The following EPB41L3 variants were observed in gnomAD, a reference collection of about 807,000 sequenced individuals.
The protein encoded by EPB41L3 is band 4.1-like protein 3.
Under a neutral mutation model 127.1 loss-of-function variants are expected in EPB41L3, and 57 were observed. The observed-to-expected ratio is 0.45, with a 90% CI of 0.36 to 0.56. The LOEUF is 0.56. Ranked by LOEUF, EPB41L3 falls within the 20% of genes least tolerant of loss-of-function variation. The pLI, the probability that EPB41L3 is intolerant of heterozygous loss-of-function variation, is 0.00. For synonymous variants in EPB41L3, 572 were observed against 549.5 expected (o/e 1.04, Z -0.57); for missense variants, 1,273 against 1,372.2 (o/e 0.93, Z 1.14).
chr18:5,447,929 T>A (rs539068514), intron 3 of EPB41L3, among the ~76,000 whole-genome samples: 127 of 151,194 alleles, frequency 8.4e-4, no homozygotes, highest in African/African-American at 2.8e-3. Context: ...ACACTGAAGA[T>A]TTTTTTTTTC....
chr18:5,566,788 T>TTCC (rs1555804088), intron 3 of EPB41L3, among the ~76,000 whole-genome samples: 9,202 of 111,598 alleles, frequency 0.082, 467 homozygotes, highest in Admixed American at 0.13. Flanking sequence ...TATTCTATTC[T>TTCC]ATTCCATTCC....
intron 12 of EPB41L3, among the ~76,000 whole-genome samples, chr18:5,416,973 A>C (rs1347067282): frequency 6.6e-6 from 1 of 152,184 alleles, no homozygotes; most frequent in Admixed American, 6.5e-5. Context: ...ATAAGTAGTT[A>C]CAATCAGGGA....
intron 2 of EPB41L3, among the ~76,000 whole-genome samples, chr18:5,486,185 C>T (rs190779798): frequency 1.4e-3 from 207 of 152,140 alleles, no homozygotes; most frequent in Middle Eastern, 3.4e-3. Context: ...GATATAAATC[C>T]TCACATACAG....
chr18:5,492,563 T>C (rs930898185), intron 1 of EPB41L3, among the ~76,000 whole-genome samples: 28 of 152,316 alleles, frequency 1.8e-4, no homozygotes, highest in Middle Eastern at 6.8e-3. Context: ...TTTTCCAAGG[T>C]TCCCTTCTCT....
chr18:5,462,436 C>G (rs2043811010), intron 3 of EPB41L3, among the ~76,000 whole-genome samples: 1 of 152,216 alleles, frequency 6.6e-6, no homozygotes. Context: ...CCTTCCACTT[C>G]CTGTTTTCTA....
intron 1 of EPB41L3, among the ~76,000 whole-genome samples, chr18:5,503,002 T>C (rs1011049614): frequency 2.6e-5 from 4 of 152,212 alleles, no homozygotes; most frequent in Non-Finnish European, 4.4e-5. Flanking sequence ...ACTTAAGTGA[T>C]AAGTCAAAAT....
intron 3 of EPB41L3, among the ~76,000 whole-genome samples, chr18:5,465,270 A>C (rs2147258509): frequency 6.6e-6 from 1 of 152,380 alleles, no homozygotes; most frequent in South Asian, 2.1e-4. Flanking sequence ...AAAATTGTTC[A>C]GCACTTCCAG....
intron 12 of EPB41L3, among the ~76,000 whole-genome samples, chr18:5,418,877 T>C (rs1221469865): frequency 6.6e-6 from 1 of 152,174 alleles, no homozygotes; most frequent in Admixed American, 6.5e-5. Flanking sequence ...TTTACTCAAA[T>C]TTTAGGATAA....
At position 5,428,475 on chromosome 18, in the gene EPB41L3, A is replaced by G; in HGVS notation, c.913-10T>C. 1 of 1,614,134 alleles carries G rather than the reference A, an allele frequency of 6.2e-7. No homozygotes were observed. The highest frequency in any genetic ancestry group is 1.3e-5 in the African/African-American group (1 of 75,078). On this transcript the variant is annotated splice_polypyrimidine_tract_variant and intron_variant, in intron 8 of 22. Coordinates refer to ENST00000341928, the MANE Select transcript of EPB41L3 (RefSeq NM_012307.5). ...CTACCCCTTCTGAGTCCTGGAAAAT[A>G]AAAGCAAGAAACAACAGATCAGTAT...
intron 3 of EPB41L3, among the ~76,000 whole-genome samples, chr18:5,581,312 TA>T (rs2094391190): frequency 2.0e-5 from 3 of 152,224 alleles, no homozygotes; most frequent in Admixed American, 1.3e-4. Context: ...TTGAGCATTT[TA>T]CTTTTGGGAG....
intron 3 of EPB41L3, among the ~76,000 whole-genome samples, chr18:5,469,098 A>G (rs965975166): frequency 3.3e-5 from 5 of 152,128 alleles, no homozygotes; most frequent in Non-Finnish European, 5.9e-5. Flanking sequence ...TGGAACAAGA[A>G]CTCAGGAACT....
intron 5 of EPB41L3, among the ~76,000 whole-genome samples, chr18:5,441,461 A>AATTTTTT (rs1398720574): frequency 6.3e-5 from 7 of 111,572 alleles, no homozygotes; most frequent in Non-Finnish European, 1.1e-4. Flanking sequence ...ATCGAATTCC[A>AATTTTTT]ATTTTTTTTT....
chr18:5,572,679 T>C (rs2094295726), intron 3 of EPB41L3, among the ~76,000 whole-genome samples: 1 of 152,112 alleles, frequency 6.6e-6, no homozygotes, highest in Non-Finnish European at 1.5e-5. Flanking sequence ...GCTCAAGCAA[T>C]CCTCCTGCCT....
chr18:5,627,464 T>C (rs956853886), intron 1 of EPB41L3, among the ~76,000 whole-genome samples: 7 of 152,206 alleles, frequency 4.6e-5, no homozygotes, highest in Admixed American at 4.6e-4. Context: ...AACTTCTAAA[T>C]TTCCAATATC....
intron 2 of EPB41L3, among the ~76,000 whole-genome samples, chr18:5,613,690 A>G (rs987208017): frequency 6.6e-6 from 1 of 152,172 alleles, no homozygotes; most frequent in Non-Finnish European, 1.5e-5. Flanking sequence ...TACAAGCTAC[A>G]TGATGTGTGA....
At chr18:5,621,016 A>G (rs1355583820) in intron 1 of EPB41L3, among the ~76,000 whole-genome samples, 2 of 152,150 alleles carry the variant, frequency 1.3e-5, no homozygotes, top group Admixed American at 1.3e-4. Context: ...TACATATGCC[A>G]GCTGGACCTC....
At chr18:5,582,220 C>G (rs955802820) in intron 3 of EPB41L3, among the ~76,000 whole-genome samples, 2 of 152,144 alleles carry the variant, frequency 1.3e-5, no homozygotes, top group Non-Finnish European at 1.5e-5. Context: ...CTCCGTTTTG[C>G]TGGTATATCT....
chr18:5,593,783 G>T (rs763811735), intron 3 of EPB41L3, among the ~76,000 whole-genome samples: 1 of 152,120 alleles, frequency 6.6e-6, no homozygotes, highest in African/African-American at 2.4e-5. Context: ...CTTCAGGGGC[G>T]CATTCTCTTT....
At chr18:5,459,549 A>C (rs1343068387) in intron 3 of EPB41L3, among the ~76,000 whole-genome samples, 1 of 152,224 alleles carries the variant, frequency 6.6e-6, no homozygotes, top group African/African-American at 2.4e-5. Context: ...TAAAAAGAGA[A>C]AATAAATGTA....
Sources: gnomAD v4.1 joint callset for allele counts (sites outside exome capture counted in the v4.1 genomes callset) on GRCh38, gnomAD v4.1.1 for gene constraint, MANE v1.5 for transcripts, NCBI Gene and HGNC (gene_info 2026-07-23, HGNC 2026-07-21) for gene names.